The following NMNAT2 variants were observed in gnomAD, a reference collection of about 807,000 sequenced individuals.
NMNAT2 encodes the protein nicotinamide/nicotinic acid mononucleotide adenylyltransferase 2.
A neutral mutation model predicts 41.6 loss-of-function variants in NMNAT2; 11 were observed. The ratio of observed to expected loss-of-function variants is 0.26; its 90% confidence interval spans 0.17 to 0.44. The LOEUF (loss-of-function observed/expected upper bound fraction) is 0.44. NMNAT2 is among the 20% of genes least tolerant of loss of function. NMNAT2 has a pLI of 1.00. For synonymous variants in NMNAT2, 148 were observed against 151.2 expected (o/e 0.98, Z 0.16); for missense variants, 288 against 407.7 (o/e 0.71, Z 2.53).
chr1:183,406,097 G>A (rs188401250), intron 1 of NMNAT2, among the ~76,000 whole-genome samples: 18 of 152,250 alleles, frequency 1.2e-4, no homozygotes, highest in Admixed American at 5.2e-4. Context: ...GAGAGACAGT[G>A]CCACAAATAA....
rs1481271598 is a variant in NMNAT2 at position 183,418,371 on chromosome 1, T to C, written c.-104A>G. The C allele has an allele frequency of 4.4e-6, 5 of 1,130,228 alleles. No individual in the cohort carries two copies. Among genetic ancestry groups the C allele is most frequent in the Non-Finnish European group, 6.7e-6 (5 of 751,614 alleles). The allele number at this position is 1,130,228 out of a possible 1,614,324, so 70.0% of individuals were successfully genotyped here. On this transcript the variant is annotated 5_prime_UTR_variant, in exon 1 of 11. Transcript: ENST00000287713. ...AAGGCGAGGCTCCGGCGGTGGATGCTGTGGACTCCAAGGAGCCGCTCCAGA... is the reference window on the plus strand; with the variant it reads ...AAGGCGAGGCTCCGGCGGTGGATGCCGTGGACTCCAAGGAGCCGCTCCAGA...
At chr1:183,369,338 G>A (rs1050676704) in intron 1 of NMNAT2, among the ~76,000 whole-genome samples, 4 of 148,922 alleles carry the variant, frequency 2.7e-5, no homozygotes, top group Non-Finnish European at 4.4e-5. Flanking sequence ...GTGCAGTGGC[G>A]TGATCTCGGC....
Position 183,347,315 on chromosome 1 carries a change from G to T in NMNAT2, c.86-53522C>A, listed in dbSNP as rs528788096. ...CAAAAAAAATAGAAACATTAGCTGG[G>T]CATGGTGGTGCATGCCTGTAGTCCC... On this transcript the variant is annotated intron_variant, in intron 1 of 10. Transcript: ENST00000287713. Among the ~76,000 whole-genome samples the T allele has an allele frequency of 4.6e-5, 7 of 152,220 alleles. No individual in the cohort carries two copies. The South Asian group carries it at 1.5e-3, about 32-fold the overall frequency.
chr1:183,404,124 G>A (rs1387352125), intron 1 of NMNAT2, among the ~76,000 whole-genome samples: 1 of 139,104 alleles, frequency 7.2e-6, no homozygotes, highest in African/African-American at 2.6e-5. Context: ...TTTTGAGATG[G>A]AGTTCACATC....
rs546753662 is a variant in NMNAT2 at position 183,322,322 on chromosome 1, G to A, written c.86-28529C>T. On this transcript the variant is annotated intron_variant, in intron 1 of 10. Coordinates refer to ENST00000287713, the MANE Select transcript of NMNAT2 (RefSeq NM_015039.4). The stretch of plus-strand genomic sequence containing the variant: ...TGTGATTTCCTTTAAGGGAGAATAC[G>A]TTCAGGTGTGTATGGTCCCAGGCTG... Among the ~76,000 whole-genome samples the A allele has an allele frequency of 1.0e-3, 153 of 152,308 alleles. 2 individuals are homozygous for A. The highest frequency in any genetic ancestry group is 6.2e-4 in the Non-Finnish European group (42 of 68,036).
chr1:183,260,941 T>A (rs2102280829), intron 10 of NMNAT2, 61 bp downstream of exon 10: 2 of 1,347,762 alleles, frequency 1.5e-6, no homozygotes, highest in Non-Finnish European at 2.1e-6. Flanking sequence ...ATGGAGGAAA[T>A]TTATGTGGAG....
At chr1:183,345,688 CTTTT>C (rs5779171) in intron 1 of NMNAT2, among the ~76,000 whole-genome samples, 6 of 121,972 alleles carry the variant, frequency 4.9e-5, no homozygotes, top group Admixed American at 8.2e-5. Context: ...ATATCCTTTT[CTTTT>C]TTTTTTTTTT....
intron 3 of NMNAT2, among the ~76,000 whole-genome samples, chr1:183,292,032 G>A (rs1408704423): frequency 6.6e-6 from 1 of 152,100 alleles, no homozygotes; most frequent in Non-Finnish European, 1.5e-5. Flanking sequence ...TCAGCATCCC[G>A]TCACTTCGCC....
At position 183,329,887 on chromosome 1, in the gene NMNAT2, A is replaced by G. The variant is rs147381511; in HGVS notation, c.86-36094T>C. 2.6e-5 allele frequency among the ~76,000 whole-genome samples: 4 copies of G among 152,328 alleles called. No homozygotes were observed. In the East Asian group the frequency reaches 7.7e-4, roughly 29 times the overall value. Reference sequence around the variant, plus strand: ...GGCTCAGAAAACTTAAATGCATTGCATAGGGTCACCCAGCCAGATAGCGGC... The same window carrying G: ...GGCTCAGAAAACTTAAATGCATTGCGTAGGGTCACCCAGCCAGATAGCGGC... On this transcript the variant is annotated intron_variant, in intron 1 of 10. Transcript: ENST00000287713.
At chr1:183,303,891 C>T (rs1247906368) in intron 1 of NMNAT2, among the ~76,000 whole-genome samples, 2 of 152,250 alleles carry the variant, frequency 1.3e-5, no homozygotes, top group Admixed American at 6.5e-5. Context: ...GATTTCCTCT[C>T]CACAGGGAGC....
chr1:183,314,120 C>T (rs750814559), intron 1 of NMNAT2, among the ~76,000 whole-genome samples: 1 of 152,222 alleles, frequency 6.6e-6, no homozygotes, highest in Admixed American at 6.5e-5. Context: ...TGCCTATTCA[C>T]TCTCTTACAT....
rs201987245 is a variant in NMNAT2, at chr1:183,284,692, A to T, written c.529+18T>A. 6.2e-6 allele frequency: 10 copies of T among 1,606,832 alleles called. No individual in the cohort carries two copies. The African/African-American group carries it at 1.3e-4, about 21-fold the overall frequency. ...AGAAAAGAGACAGGACTGGGAATCAAGTTCCTTGGTTCCTCACCTACAAAG... is the reference window on the plus strand; with the variant it reads ...AGAAAAGAGACAGGACTGGGAATCATGTTCCTTGGTTCCTCACCTACAAAG... On this transcript the variant is annotated intron_variant, in intron 6 of 10. Coordinates refer to ENST00000287713, the MANE Select transcript of NMNAT2 (RefSeq NM_015039.4).
chr1:183,389,149 T>C (rs1482728617), intron 1 of NMNAT2, among the ~76,000 whole-genome samples: 1 of 152,136 alleles, frequency 6.6e-6, no homozygotes, highest in East Asian at 1.9e-4. Flanking sequence ...TGGCCATCCC[T>C]TCACCCTCTC....
chr1:183,362,053 C>T (rs781716343), intron 1 of NMNAT2, among the ~76,000 whole-genome samples: 1 of 152,202 alleles, frequency 6.6e-6, no homozygotes, highest in African/African-American at 2.4e-5. Flanking sequence ...ATTCTCCTGC[C>T]TCAGCCTCCT....
chr1:183,257,698 G>C (rs1217686497), intron 10 of NMNAT2, among the ~76,000 whole-genome samples: 1 of 151,328 alleles, frequency 6.6e-6, no homozygotes, highest in Non-Finnish European at 1.5e-5. Flanking sequence ...TCTTATTTCT[G>C]AGACATCTGT....
intron 1 of NMNAT2, among the ~76,000 whole-genome samples, chr1:183,405,784 G>T (rs1052565584): frequency 6.6e-6 from 1 of 152,192 alleles, no homozygotes; most frequent in Admixed American, 6.5e-5. Context: ...AAACAAACTT[G>T]ATAATTTCAG....
At chr1:183,374,149 T>A (rs979453404) in intron 1 of NMNAT2, among the ~76,000 whole-genome samples, 3 of 152,156 alleles carry the variant, frequency 2.0e-5, no homozygotes, top group African/African-American at 2.4e-5. Context: ...GGGTTGAGGG[T>A]CTGAACCAAT....
At chr1:183,324,590 GCTTT>G (rs1186980713) in intron 1 of NMNAT2, among the ~76,000 whole-genome samples, 1 of 152,078 alleles carries the variant, frequency 6.6e-6, no homozygotes, top group Non-Finnish European at 1.5e-5. Flanking sequence ...AACCACTCTG[GCTTT>G]CTTTGAGTTC....
intron 1 of NMNAT2, among the ~76,000 whole-genome samples, chr1:183,388,678 A>G (rs948561053): frequency 6.6e-6 from 1 of 152,208 alleles, no homozygotes; most frequent in South Asian, 2.1e-4. Flanking sequence ...ATTCTACTCC[A>G]ACACTTTTAA....
Sources: allele counts gnomAD v4.1 joint callset (sites outside exome capture counted in the v4.1 genomes callset), GRCh38; gene constraint gnomAD v4.1.1; transcripts MANE v1.5; gene names NCBI Gene and HGNC (gene_info 2026-07-23, HGNC 2026-07-21).